The following PHACTR3 variants were observed in gnomAD, a reference collection of about 807,000 sequenced individuals.
PHACTR3 encodes the protein phosphatase and actin regulator 3, also known as protein phosphatase 1, regulatory subunit 123.
Under a neutral mutation model 66.8 loss-of-function variants are expected in PHACTR3, and 16 were observed. The observed-to-expected ratio is 0.24, with a 90% CI of 0.16 to 0.36. The LOEUF (loss-of-function observed/expected upper bound fraction) is 0.36. PHACTR3 is among the 10% of genes least tolerant of loss of function. The pLI is 1.00. For missense variants in PHACTR3, 647 were observed against 719.9 expected (o/e 0.90, Z 1.16); for synonymous variants, 323 against 292.1 (o/e 1.11, Z -1.08).
chr20:59,708,121 C>T (rs2037778602), intron 1 of PHACTR3, among the ~76,000 whole-genome samples: 1 of 152,172 alleles, frequency 6.6e-6, no homozygotes, highest in South Asian at 2.1e-4. Context: ...CCAGGCCTAC[C>T]TCTGTCTGTA....
chr20:59,807,941 G>A (rs2041620548), intron 8 of PHACTR3, among the ~76,000 whole-genome samples: 1 of 152,178 alleles, frequency 6.6e-6, no homozygotes, highest in South Asian at 2.1e-4. Flanking sequence ...CCACGGGTGG[G>A]CACCTTCTGT....
intron 8 of PHACTR3, among the ~76,000 whole-genome samples, chr20:59,810,556 T>G (rs189231658): frequency 2.0e-4 from 31 of 152,352 alleles, no homozygotes; most frequent in Admixed American, 6.5e-4. Flanking sequence ...TGCTAAGTAA[T>G]TCAGCCTCTG....
intron 3 of PHACTR3, among the ~76,000 whole-genome samples, chr20:59,751,159 G>A (rs1291810389): frequency 2.6e-5 from 4 of 152,196 alleles, no homozygotes; most frequent in African/African-American, 9.7e-5. Flanking sequence ...TCTCCAGGGT[G>A]AGGAGCAGAG....
intron 3 of PHACTR3, 100 bp from the exon 4 acceptor site, chr20:59,755,082 C>T: frequency 7.9e-7 from 1 of 1,261,436 alleles, no homozygotes; most frequent in South Asian, 1.4e-5. Context: ...GGGGACCACC[C>T]AGAGCCTAGA....
Position 59,697,873 on chromosome 20 carries a change from A to T in PHACTR3, c.119-45234A>T, listed in dbSNP as rs549294307. Among the ~76,000 whole-genome samples, 5 of 152,344 alleles carry T rather than the reference A, an allele frequency of 3.3e-5. No individual in the cohort carries two copies. The South Asian group carries it at 1.0e-3, about 32-fold the overall frequency. The stretch of plus-strand genomic sequence containing the variant: ...ATTTTGTGAGCATTTTCTCATTGAC[A>T]ATATCAAGTGTTGGCAAACACATGT... On this transcript the variant is annotated intron_variant, in intron 1 of 12. Coordinates refer to ENST00000371015, the MANE Select transcript of PHACTR3 (RefSeq NM_080672.5).
chr20:59,625,419 C>T (rs1302896191), intron 1 of PHACTR3, among the ~76,000 whole-genome samples: 1 of 152,080 alleles, frequency 6.6e-6, no homozygotes, highest in Non-Finnish European at 1.5e-5. Flanking sequence ...ATCTGATGCA[C>T]TCTCCGCAAG....
At chr20:59,753,467 C>G (rs2039673532) in intron 3 of PHACTR3, among the ~76,000 whole-genome samples, 1 of 152,182 alleles carries the variant, frequency 6.6e-6, no homozygotes, top group African/African-American at 2.4e-5. Flanking sequence ...GGTGAGGACT[C>G]TGGAGGGAGA....
intron 1 of PHACTR3, among the ~76,000 whole-genome samples, chr20:59,611,943 T>G (rs2033864379): frequency 6.6e-6 from 1 of 152,150 alleles, no homozygotes; most frequent in Non-Finnish European, 1.5e-5. Context: ...TCAGGGAAGG[T>G]GCTTTTTAGG....
At chr20:59,744,362 C>T (rs2039287927) in intron 2 of PHACTR3, among the ~76,000 whole-genome samples, 1 of 152,206 alleles carries the variant, frequency 6.6e-6, no homozygotes, top group Non-Finnish European at 1.5e-5. Context: ...GCCGCATCTC[C>T]ACCCCAGGGC....
chr20:59,698,509 A>G (rs922025383), intron 1 of PHACTR3, among the ~76,000 whole-genome samples: 7 of 152,196 alleles, frequency 4.6e-5, no homozygotes, highest in Non-Finnish European at 8.8e-5. Flanking sequence ...CACACACCAG[A>G]TGATAGCTTC....
At chr20:59,623,504 G>T (rs2034336062) in intron 1 of PHACTR3, among the ~76,000 whole-genome samples, 1 of 152,208 alleles carries the variant, frequency 6.6e-6, no homozygotes, top group Admixed American at 6.5e-5. Flanking sequence ...GCTGCTGATG[G>T]CTTTCTTGTG....
intron 1 of PHACTR3, among the ~76,000 whole-genome samples, chr20:59,629,279 T>C (rs1163864905): frequency 6.6e-6 from 1 of 152,146 alleles, no homozygotes; most frequent in Non-Finnish European, 1.5e-5. Context: ...GGCCTCTGCT[T>C]CTCTGGTGCC....
chr20:59,595,034 C>G (rs1339229975), intron 1 of PHACTR3, among the ~76,000 whole-genome samples: 10 of 152,144 alleles, frequency 6.6e-5, no homozygotes, highest in African/African-American at 2.4e-4. Flanking sequence ...CTCGAGATTT[C>G]TTCTTTGACC....
At chr20:59,831,732 G>A (rs1440508896) in intron 8 of PHACTR3, among the ~76,000 whole-genome samples, 2 of 152,296 alleles carry the variant, frequency 1.3e-5, no homozygotes, top group Non-Finnish European at 2.9e-5. Flanking sequence ...GAAGCTCAAA[G>A]CCCAGGAAGC....
intron 4 of PHACTR3, among the ~76,000 whole-genome samples, chr20:59,758,235 C>T (rs2146833756): frequency 6.6e-6 from 1 of 152,096 alleles, no homozygotes; most frequent in South Asian, 2.1e-4. Flanking sequence ...GGCATGTGGA[C>T]AGACAATGAG....
At chr20:59,801,892 C>T (rs929825860) in intron 7 of PHACTR3, among the ~76,000 whole-genome samples, 4 of 152,206 alleles carry the variant, frequency 2.6e-5, no homozygotes, top group African/African-American at 9.7e-5. Flanking sequence ...CCTTCCCTCA[C>T]CTGACCAAGC....
intron 1 of PHACTR3, among the ~76,000 whole-genome samples, chr20:59,741,895 T>C (rs1316949335): frequency 6.6e-6 from 1 of 152,136 alleles, no homozygotes; most frequent in Non-Finnish European, 1.5e-5. Flanking sequence ...CCTGAGTAGC[T>C]GGGATTACAG....
chr20:59,747,867 C>T, intron 3 of PHACTR3, 32 bp downstream of exon 3: 1 of 1,605,112 alleles, frequency 6.2e-7, no homozygotes, highest in Non-Finnish European at 8.5e-7. Context: ...CTTGGAAGGG[C>T]ACGGTGCTGG....
At chr20:59,627,447 G>T (rs910010115) in intron 1 of PHACTR3, among the ~76,000 whole-genome samples, 2 of 152,244 alleles carry the variant, frequency 1.3e-5, no homozygotes, top group Non-Finnish European at 2.9e-5. Flanking sequence ...GACTCCAAGC[G>T]TTCCAGCCTG....
Sources: allele counts gnomAD v4.1 joint callset (sites outside exome capture counted in the v4.1 genomes callset), GRCh38; gene constraint gnomAD v4.1.1; transcripts MANE v1.5; gene names NCBI Gene and HGNC (gene_info 2026-07-23, HGNC 2026-07-21).